The following BICD1 variants were observed in gnomAD, a reference collection of about 807,000 sequenced individuals.
BICD1 encodes BICD cargo adaptor 1, also known as protein bicaudal D homolog 1.
BICD1 carries 35 observed loss-of-function variants against 92.5 expected under a neutral mutation model. That is an observed-to-expected ratio of 0.38 (90% CI 0.29 to 0.50). The LOEUF (loss-of-function observed/expected upper bound fraction) is 0.50, where lower values mean the gene tolerates loss of function less well. Among genes scored for constraint, BICD1 ranks in the 20% least tolerant of loss-of-function variants. BICD1 has a pLI of 0.93. For synonymous variants in BICD1, 429 were observed against 465.1 expected (o/e 0.92, Z 1.00); for missense variants, 950 against 1,189.8 (o/e 0.80, Z 2.97).
chr12:32,195,122 A>T (rs1452094976), intron 1 of BICD1, among the ~76,000 whole-genome samples: 1 of 151,990 alleles, frequency 6.6e-6, no homozygotes, highest in Non-Finnish European at 1.5e-5. Context: ...GAAGACAGAA[A>T]TAAATGGAAA....
At chr12:32,274,688 C>G (rs185738814) in intron 2 of BICD1, among the ~76,000 whole-genome samples, 84 of 152,130 alleles carry the variant, frequency 5.5e-4, no homozygotes, top group African/African-American at 1.9e-3. Flanking sequence ...TAACAATAAT[C>G]TGATTAGCAT....
chr12:32,346,741 C>T (rs1204185262), intron 8 of BICD1, among the ~76,000 whole-genome samples: 3 of 144,954 alleles, frequency 2.1e-5, no homozygotes, highest in Non-Finnish European at 3.0e-5. Context: ...GTATTATGCA[C>T]TTACAGCATA....
chr12:32,310,255 C>T (rs2136226552), intron 4 of BICD1, among the ~76,000 whole-genome samples: 1 of 152,272 alleles, frequency 6.6e-6, no homozygotes, highest in Non-Finnish European at 1.5e-5. Context: ...TGTAGAACCC[C>T]TAAATGTAGG....
rs60968446 is a variant in BICD1, at chr12:32,116,464, C to G, written c.213+8920C>G. Among the ~76,000 whole-genome samples the G allele has an allele frequency of 4.6e-5, 3 of 64,992 alleles. 1 individual carries two copies. In the South Asian group the frequency reaches 1.3e-3, roughly 27 times the overall value. 42.6% of individuals were successfully genotyped at this position (64,992 alleles called of 152,430 possible). A position where few individuals can be genotyped will look rare whatever the true frequency, so the allele number is the denominator to read the frequency against. ...TCTGTCTGTCTGTCTGTCTGTCTGT[C>G]TCTCTCTCTCTCTCTCTCTCTCTCT... On this transcript the variant is annotated intron_variant, in intron 1 of 9. Transcript: ENST00000652176.
chr12:32,311,080 A>G (rs1948362175), intron 4 of BICD1, among the ~76,000 whole-genome samples: 1 of 152,350 alleles, frequency 6.6e-6, no homozygotes, highest in East Asian at 1.9e-4. Flanking sequence ...TGAGCCAAGT[A>G]TGAGTGACCA....
At chr12:32,109,276 A>C (rs2121119490) in intron 1 of BICD1, 1 of 152,326 alleles carries the variant, frequency 6.6e-6, no homozygotes, top group East Asian at 1.9e-4. Context: ...TGGGCATGAA[A>C]TATTTTATGA....
intron 8 of BICD1, among the ~76,000 whole-genome samples, chr12:32,361,237 A>T (rs2136321191): frequency 6.6e-6 from 1 of 152,342 alleles, no homozygotes; most frequent in Admixed American, 6.5e-5. Flanking sequence ...GAGACGAGTG[A>T]GGGAAATTGA....
At chr12:32,222,524 G>A (rs1006140280) in intron 2 of BICD1, among the ~76,000 whole-genome samples, 2 of 152,166 alleles carry the variant, frequency 1.3e-5, no homozygotes, top group African/African-American at 4.8e-5. Context: ...CACTGGCTCT[G>A]ATGTGCCATT....
intron 1 of BICD1, among the ~76,000 whole-genome samples, chr12:32,194,174 ACAAAT>A (rs764390790): frequency 6.6e-6 from 1 of 152,188 alleles, no homozygotes; most frequent in Non-Finnish European, 1.5e-5. Flanking sequence ...AAAACTATTA[ACAAAT>A]CAGATACAGA....
At chr12:32,189,567 A>T (rs1944508536) in intron 1 of BICD1, among the ~76,000 whole-genome samples, 1 of 152,242 alleles carries the variant, frequency 6.6e-6, no homozygotes, top group African/African-American at 2.4e-5. Flanking sequence ...TCTAGTATAA[A>T]AGTTAAAAGA....
At chr12:32,262,062 GTTT>G in intron 2 of BICD1, among the ~76,000 whole-genome samples, 1 of 152,248 alleles carries the variant, frequency 6.6e-6, no homozygotes, top group East Asian at 1.9e-4. Flanking sequence ...TAAGTCGTGG[GTTT>G]ATATAACAAG....
intron 2 of BICD1, among the ~76,000 whole-genome samples, chr12:32,243,256 CCTGG>C (rs1401491823): frequency 1.8e-5 from 2 of 113,764 alleles, no homozygotes; most frequent in Admixed American, 9.6e-5. Context: ...CCCCACCATG[CCTGG>C]CTAATTTTTT....
chr12:32,344,632 A>G (rs1387658845), intron 8 of BICD1, among the ~76,000 whole-genome samples: 2 of 152,166 alleles, frequency 1.3e-5, no homozygotes, highest in Non-Finnish European at 2.9e-5. Context: ...TCAGTTACAT[A>G]TTTCATCAGC....
chr12:32,297,218 G>A (rs1431377679), intron 3 of BICD1, among the ~76,000 whole-genome samples: 1 of 151,934 alleles, frequency 6.6e-6, no homozygotes, highest in Non-Finnish European at 1.5e-5. Flanking sequence ...GTTTTTTGGG[G>A]TTTTCTTGAG....
chr12:32,353,586 A>G (rs899488484), intron 8 of BICD1: 4 of 152,196 alleles, frequency 2.6e-5, no homozygotes, highest in Non-Finnish European at 1.5e-5. Flanking sequence ...ATGATTAAAA[A>G]AAATGAAGAA....
chr12:32,295,944 C>A (rs1447797450), intron 3 of BICD1, among the ~76,000 whole-genome samples: 1 of 152,130 alleles, frequency 6.6e-6, no homozygotes. Flanking sequence ...CGAGCCACAG[C>A]GTCTGGCCAA....
intron 1 of BICD1, among the ~76,000 whole-genome samples, chr12:32,184,709 G>C (rs1247133389): frequency 1.3e-5 from 2 of 152,156 alleles, no homozygotes; most frequent in Non-Finnish European, 2.9e-5. Flanking sequence ...CTGAAACTTT[G>C]GAAAAAGGTG....
chr12:32,348,822 C>T (rs1425834190), intron 8 of BICD1, among the ~76,000 whole-genome samples: 1 of 118,140 alleles, frequency 8.5e-6, no homozygotes, highest in African/African-American at 3.3e-5. Context: ...TACTGGGGTT[C>T]GTTTCTAGAT....
At chr12:32,291,161 GA>G (rs1947716544) in intron 2 of BICD1, among the ~76,000 whole-genome samples, 1 of 152,110 alleles carries the variant, frequency 6.6e-6, no homozygotes, top group Non-Finnish European at 1.5e-5. Flanking sequence ...CAAGTCAGAA[GA>G]AAAAACATCA....
Sources: gnomAD v4.1 joint callset for allele counts (sites outside exome capture counted in the v4.1 genomes callset) on GRCh38, gnomAD v4.1.1 for gene constraint, MANE v1.5 for transcripts, NCBI Gene and HGNC (gene_info 2026-07-23, HGNC 2026-07-21) for gene names.